SLC22A14: variants seen among roughly 807,000 people sequenced by gnomAD.
SLC22A14 encodes the protein solute carrier family 22 member 14, also known as organic cation transporter-like 4.
Under a neutral mutation model 53.9 loss-of-function variants are expected in SLC22A14, and 50 were observed. That is an observed-to-expected ratio of 0.93 (90% CI 0.74 to 1.17). The LOEUF (loss-of-function observed/expected upper bound fraction) is 1.17. SLC22A14 is among the 50% of genes most tolerant of loss of function. The pLI is 0.00. For synonymous variants in SLC22A14, 312 were observed against 303.0 expected (o/e 1.03, Z -0.31); for missense variants, 671 against 734.7 (o/e 0.91, Z 1.00).
chr3:38,294,171 G>C (rs925418526), intron 1 of SLC22A14, among the ~76,000 whole-genome samples: 1 of 150,484 alleles, frequency 6.6e-6, no homozygotes, highest in Non-Finnish European at 1.5e-5. Context: ...CTTTTGGACC[G>C]TTTGGGTTGA....
intron 10 of SLC22A14, among the ~76,000 whole-genome samples, chr3:38,316,904 C>G (rs1173890549): frequency 6.6e-6 from 1 of 152,232 alleles, no homozygotes; most frequent in African/African-American, 2.4e-5. Context: ...CATCTCTTTT[C>G]CTGTCTGAAC....
chr3:38,297,305 T>C (rs1409794664), intron 1 of SLC22A14, among the ~76,000 whole-genome samples: 1 of 152,202 alleles, frequency 6.6e-6, no homozygotes, highest in African/African-American at 2.4e-5. Context: ...GCCTAGAAAA[T>C]CCAGCTAGTC....
In SLC22A14 at chr3:38,316,477, G is replaced by A. The variant is rs762351993; in HGVS notation, c.1686G>A (p.Thr562=). ...CCCTCTCCTCCCTGCTGCCGGAAAC[G>A]CGAGATCAGCCCCTCTCCGAGAGCC... The part of the protein sequence containing the change: ...AFSLSSLLPE[T]RDQPLSESLN... The change falls in exon 10 of 11, where the codon ACG becomes ACA. Residue 562 remains threonine, a synonymous_variant. Transcript: ENST00000448498. 4.3e-6 allele frequency: 7 copies of A among 1,614,008 alleles called. No homozygotes were observed. The highest frequency in any genetic ancestry group is 4.5e-5 in the East Asian group (2 of 44,850).
intron 1 of SLC22A14, among the ~76,000 whole-genome samples, chr3:38,285,063 G>C (rs1703760817): frequency 6.6e-6 from 1 of 152,186 alleles, no homozygotes; most frequent in Admixed American, 6.5e-5. Context: ...AACAGCCTTG[G>C]TGCCCAGTAG....
At position 38,318,204 on chromosome 3, in the gene SLC22A14, G is replaced by C. The variant is rs201058370; in HGVS notation, c.1740G>C (p.Lys580Asn). 1 of 1,613,972 alleles carries C rather than the reference G, an allele frequency of 6.2e-7. No individual in the cohort carries two copies. The highest frequency in any genetic ancestry group is 8.5e-7 in the Non-Finnish European group (1 of 1,179,862). Residue 580 changes from lysine (K) to asparagine (N), a missense_variant, in exon 11 of 11, where the codon AAG (lysine) becomes AAC (asparagine). Transcript: ENST00000448498. Reference protein sequence around the residue: ...SLNHSSQIRNKVKDMKTKETS... With the variant: ...SLNHSSQIRNNVKDMKTKETS... Reference sequence around the variant, plus strand: ...CCTCTGATGGCTCTTTCAGGAATAAGGTCAAGGACATGAAGACTAAGGAAA... The same window carrying C: ...CCTCTGATGGCTCTTTCAGGAATAACGTCAAGGACATGAAGACTAAGGAAA...
upstream of SLC22A14, among the ~76,000 whole-genome samples, chr3:38,280,097 A>G (rs1315196470): frequency 6.6e-6 from 1 of 151,546 alleles, no homozygotes; most frequent in Non-Finnish European, 1.5e-5. Context: ...TTTCATACTC[A>G]CTCCCCCCGT....
chr3:38,279,747 CT>C (rs1703626433), upstream of SLC22A14, among the ~76,000 whole-genome samples: 3 of 152,054 alleles, frequency 2.0e-5, 1 homozygote, highest in South Asian at 6.2e-4. Flanking sequence ...GCCTCTGGGA[CT>C]CTGAAGGAGA....
At chr3:38,289,956 G>A (rs575120971) in intron 1 of SLC22A14, among the ~76,000 whole-genome samples, 33 of 152,332 alleles carry the variant, frequency 2.2e-4, no homozygotes, top group Admixed American at 1.7e-3. Flanking sequence ...TTTATATCCT[G>A]ATCATTGTCC....
chr3:38,307,352 T>G lies in SLC22A14; in HGVS notation c.615T>G (p.Thr205=), dbSNP rs780121114. The G allele has an allele frequency of 2.5e-6, 4 of 1,611,926 alleles. No individual in the cohort carries two copies. In the South Asian group the frequency reaches 3.3e-5, roughly 13 times the overall value. The part of the protein sequence containing the change: ...PIGSLIFRLI[T]DKMGRYPAIL... ...GCTCTCTCATCTTCAGGCTCATAAC[T>G]GACAAGTGAGTCCCCGGGAGTTTCT... The change falls in exon 3 of 11, where the codon ACT becomes ACG. Residue 205 remains threonine, a synonymous_variant. Coordinates refer to ENST00000448498, the MANE Select transcript of SLC22A14 (RefSeq NM_001320033.2). This position sits in a 1 kb window ranked among gnomAD's most constrained non-coding sequence, Gnocchi z 4.4.
Position 38,318,304 on chromosome 3 carries a change from CCCTGTCTCCAA to C in SLC22A14, c.*58_*68del. 1 of 1,486,398 alleles carries C rather than the reference CCCTGTCTCCAA, an allele frequency of 6.7e-7. No individual in the cohort carries two copies. The highest frequency in any genetic ancestry group is 1.1e-5 in the South Asian group (1 of 88,570). 92.1% of individuals were successfully genotyped at this position (1,486,398 alleles called of 1,614,324 possible). A position where few individuals can be genotyped will look rare whatever the true frequency, so the allele number is the denominator to read the frequency against. On this transcript the variant is annotated 3_prime_UTR_variant, in exon 11 of 11. Transcript: ENST00000448498. ...CCCAGATCCTGAGATTGGACCCATA[CCCTGTCTCCAA>C]CCCTGCCTTGAAGCAATTCAATAAA... is the stretch of plus-strand genomic sequence containing the variant.
At chr3:38,288,766 G>C (rs1270108942) in intron 1 of SLC22A14, among the ~76,000 whole-genome samples, 1 of 152,026 alleles carries the variant, frequency 6.6e-6, no homozygotes, top group Non-Finnish European at 1.5e-5. Flanking sequence ...ATCCTAATGG[G>C]TGTCTTGTAT....
chr3:38,281,872 C>G (rs1246952366), upstream of SLC22A14, among the ~76,000 whole-genome samples: 2 of 152,210 alleles, frequency 1.3e-5, no homozygotes, highest in African/African-American at 2.4e-5. Flanking sequence ...AAGCCCTGTT[C>G]CTGCAATCTG....
At chr3:38,292,199 C>T (rs1238832343) in intron 1 of SLC22A14, among the ~76,000 whole-genome samples, 1 of 152,178 alleles carries the variant, frequency 6.6e-6, no homozygotes, top group African/African-American at 2.4e-5. Context: ...AGAACTGGCT[C>T]AAGTCTTGGG....
At chr3:38,278,848 CTT>C (rs1250343086), upstream of SLC22A14, among the ~76,000 whole-genome samples, 1 of 140,582 alleles carries the variant, frequency 7.1e-6, no homozygotes, top group Non-Finnish European at 1.5e-5. Context: ...AAAAGATGGC[CTT>C]CTTAGATGGG....
At position 38,306,487 on chromosome 3, in the gene SLC22A14, C is replaced by G. The variant is rs759645027; in HGVS notation, c.461C>G (p.Thr154Arg). ...IIQFGLNDTD[T>R]CQDGWIYPDA... Reference sequence around the variant, plus strand: ...CAGTTTGGCCTCAATGACACAGACACATGCCAAGATGGGTGGATCTATCCT... The same window carrying G: ...CAGTTTGGCCTCAATGACACAGACAGATGCCAAGATGGGTGGATCTATCCT... The change falls in exon 2 of 11, where the codon ACA becomes AGA. Residue 154 changes from threonine (T) to arginine (R), a missense_variant. By Grantham distance (71) the Thr-to-Arg change is moderately conservative. Transcript: ENST00000448498. 1 of 1,614,180 alleles carries G rather than the reference C, an allele frequency of 6.2e-7. No individual in the cohort carries two copies.
At chr3:38,297,453 T>A (rs193105576) in intron 1 of SLC22A14, among the ~76,000 whole-genome samples, 393 of 152,156 alleles carry the variant, frequency 2.6e-3, no homozygotes, top group East Asian at 0.011. Flanking sequence ...ATTTTTTTTT[T>A]AATTTTCTTC....
intron 1 of SLC22A14, among the ~76,000 whole-genome samples, chr3:38,283,895 G>T (rs1055433381): frequency 3.9e-5 from 6 of 152,150 alleles, no homozygotes; most frequent in Non-Finnish European, 8.8e-5. Flanking sequence ...TAAAGGAGGG[G>T]CCCCTGCTCA....
At chr3:38,316,276 C>T in intron 9 of SLC22A14, 48 bp from the exon 10 acceptor site, 3 of 1,574,212 alleles carry the variant, frequency 1.9e-6, no homozygotes, top group Non-Finnish European at 1.7e-6. Context: ...CCTGCCCAGC[C>T]TCTGAACCCG....
At position 38,303,121 on chromosome 3, in the gene SLC22A14, TTA is replaced by T. The variant is rs1704209024; in HGVS notation, c.1-2904_1-2903del. ...ACTTATTTGTATCTTCTTTTTTATT[TTA>T]TTTTTTACATAATTTCACTAAAGAT... On this transcript the variant is annotated intron_variant, in intron 1 of 10. Transcript: ENST00000448498. Among the ~76,000 whole-genome samples, 4 of 152,092 alleles carry T rather than the reference TTA, an allele frequency of 2.6e-5. No homozygotes were observed. The South Asian group carries it at 8.3e-4, about 31-fold the overall frequency.
Sources: allele counts gnomAD v4.1 joint callset (sites outside exome capture counted in the v4.1 genomes callset), GRCh38; gene constraint gnomAD v4.1.1; non-coding constraint Gnocchi (gnomAD v3.1); transcripts MANE v1.5; gene names NCBI Gene and HGNC (gene_info 2026-07-23, HGNC 2026-07-21).